The following TBCA variants were observed in gnomAD, a reference collection of about 807,000 sequenced individuals.
The protein encoded by TBCA is tubulin-specific chaperone A.
Under a neutral mutation model 15.8 loss-of-function variants are expected in TBCA, and 6 were observed. The observed-to-expected ratio is 0.38, with a 90% confidence interval of 0.21 to 0.75. TBCA has a LOEUF of 0.75. Among genes scored for constraint, TBCA ranks in the 30% least tolerant of loss-of-function variants. The pLI is 0.46. For missense variants in TBCA, 90 were observed against 131.2 expected, an observed-to-expected ratio of 0.69 and a Z score of 1.53; for synonymous variants, 32 against 42.3, an observed-to-expected ratio of 0.76 and a Z score of 0.94.
chr5:77,759,461 A>G (rs1404490157), intron 1 of TBCA, among the ~76,000 whole-genome samples: 1 of 152,184 alleles, frequency 6.6e-6, no homozygotes, highest in African/African-American at 2.4e-5. Flanking sequence ...GTCTGAACCA[A>G]TGTTTCAGGT....
chr5:77,739,419 C>A (rs983578072), intron 1 of TBCA, among the ~76,000 whole-genome samples: 10 of 152,176 alleles, frequency 6.6e-5, no homozygotes, highest in African/African-American at 2.4e-4. Flanking sequence ...CAAGATCGCA[C>A]CACTGCACTC....
At chr5:77,695,095 C>T (rs190710333) in intron 2 of TBCA, among the ~76,000 whole-genome samples, 188 of 152,200 alleles carry the variant, frequency 1.2e-3, no homozygotes, top group Non-Finnish European at 2.3e-3. Context: ...AGGAATTAAA[C>T]AAGATGAAAT....
intron 1 of TBCA, among the ~76,000 whole-genome samples, chr5:77,723,117 G>A (rs528936433): frequency 2.7e-4 from 41 of 151,564 alleles, no homozygotes; most frequent in African/African-American, 9.4e-4. Context: ...AAATTATATA[G>A]TAACATTATA....
intron 1 of TBCA, among the ~76,000 whole-genome samples, chr5:77,774,456 T>C (rs1255844569): frequency 6.6e-6 from 1 of 152,086 alleles, no homozygotes; most frequent in Non-Finnish European, 1.5e-5. Flanking sequence ...TTCATCTGCC[T>C]AATAAGAACC....
chr5:77,739,139 T>C (rs992168185), intron 1 of TBCA, among the ~76,000 whole-genome samples: 3 of 152,346 alleles, frequency 2.0e-5, no homozygotes, highest in Admixed American at 2.0e-4. Flanking sequence ...AATAAAATAA[T>C]ACTTCTTACT....
At chr5:77,705,502 T>C (rs1404438193) in intron 2 of TBCA, 2 of 398,158 alleles carry the variant, frequency 5.0e-6, no homozygotes, top group Non-Finnish European at 8.9e-6. Context: ...ACATTCCATA[T>C]GTAAATCCTT....
chr5:77,692,390 G>T, intron 3 of TBCA: 1 of 983,362 alleles, frequency 1.0e-6, no homozygotes, highest in Non-Finnish European at 1.2e-6. Context: ...CAAGGGCAGA[G>T]ATATTGTTGA....
chr5:77,702,791 A>G (rs1182450257), intron 2 of TBCA, among the ~76,000 whole-genome samples: 6 of 152,258 alleles, frequency 3.9e-5, no homozygotes, highest in Admixed American at 6.5e-5. Context: ...TGTGAAATCT[A>G]TAACAAGAAA....
At chr5:77,773,022 T>C (rs1747947842) in intron 1 of TBCA, among the ~76,000 whole-genome samples, 1 of 152,178 alleles carries the variant, frequency 6.6e-6, no homozygotes, top group African/African-American at 2.4e-5. Flanking sequence ...TTAGAAGTCA[T>C]TTCTCATGAC....
chr5:77,692,098 T>C, intron 3 of TBCA: 1 of 982,814 alleles, frequency 1.0e-6, no homozygotes, highest in South Asian at 4.7e-5. Context: ...CTTTTACTAA[T>C]ATATTGTAAT....
intron 1 of TBCA, among the ~76,000 whole-genome samples, chr5:77,722,948 AAAC>A (rs1320089119): frequency 2.7e-4 from 41 of 151,832 alleles, no homozygotes; most frequent in Admixed American, 2.0e-3. Context: ...ATATTAAATA[AAAC>A]AACAAGGAAC....
chr5:77,740,444 G>A (rs890542836), intron 1 of TBCA, among the ~76,000 whole-genome samples: 2 of 152,150 alleles, frequency 1.3e-5, no homozygotes, highest in Admixed American at 6.5e-5. Flanking sequence ...TAGGAATTGA[G>A]ATGTAGGTAT....
At chr5:77,769,648 TG>T (rs1747861721) in intron 1 of TBCA, among the ~76,000 whole-genome samples, 1 of 151,742 alleles carries the variant, frequency 6.6e-6, no homozygotes, top group Non-Finnish European at 1.5e-5. Context: ...TGCCACAGTT[TG>T]GGAACAATGC....
At chr5:77,706,026 G>A (rs1004014921) in intron 2 of TBCA, among the ~76,000 whole-genome samples, 5 of 152,012 alleles carry the variant, frequency 3.3e-5, no homozygotes, top group African/African-American at 1.2e-4. Context: ...AGATAGCCAA[G>A]GGAAGACACA....
intron 1 of TBCA, among the ~76,000 whole-genome samples, chr5:77,713,270 T>C (rs1746324072): frequency 6.6e-6 from 1 of 152,130 alleles, no homozygotes; most frequent in Non-Finnish European, 1.5e-5. Context: ...CATTCCAGCC[T>C]GAATAACAGA....
At chr5:77,691,658 C>A in intron 3 of TBCA, 160 bp from the exon 4 acceptor site, 1 of 1,370,808 alleles carries the variant, frequency 7.3e-7, no homozygotes, top group South Asian at 1.9e-5. Context: ...AGGTTTCCCA[C>A]ATTCTGTTCC....
intron 2 of TBCA, among the ~76,000 whole-genome samples, chr5:77,701,714 T>TGC (rs1746021643): frequency 2.2e-5 from 3 of 139,390 alleles, no homozygotes; most frequent in African/African-American, 5.3e-5. Flanking sequence ...TATATATATA[T>TGC]ATATATATAT....
At chr5:77,695,004 T>C (rs1309858351) in intron 2 of TBCA, among the ~76,000 whole-genome samples, 1 of 152,206 alleles carries the variant, frequency 6.6e-6, no homozygotes, top group African/African-American at 2.4e-5. Context: ...TCTGAATATA[T>C]GTGAAAAATC....
chr5:77,741,385 T>C (rs996422879), intron 1 of TBCA, among the ~76,000 whole-genome samples: 19 of 152,082 alleles, frequency 1.2e-4, no homozygotes, highest in African/African-American at 4.6e-4. Context: ...GATCACAGAA[T>C]GTTGGCTTTC....
Sources: allele counts gnomAD v4.1 joint callset (sites outside exome capture counted in the v4.1 genomes callset), GRCh38; gene constraint gnomAD v4.1.1; transcripts MANE v1.5; gene names NCBI Gene and HGNC (gene_info 2026-07-23, HGNC 2026-07-21).